The following NUP160 variants were observed in gnomAD, a reference collection of about 807,000 sequenced individuals.
The protein encoded by NUP160 is nuclear pore complex protein Nup160.
In NUP160, 94 loss-of-function variants were observed where a neutral mutation model predicts 196.9. The observed-to-expected ratio is 0.48, with a 90% CI of 0.40 to 0.57. The LOEUF (loss-of-function observed/expected upper bound fraction) is 0.57, where lower values mean the gene tolerates loss of function less well. NUP160 is among the 20% of genes least tolerant of loss of function. The pLI is 0.00. For missense variants in NUP160, 1,638 were observed against 1,748.3 expected (o/e 0.94, Z 1.13); for synonymous variants, 605 against 619.7 (o/e 0.98, Z 0.35).
At chr11:47,820,937 C>T (rs1476355212) in intron 9 of NUP160, among the ~76,000 whole-genome samples, 1 of 152,076 alleles carries the variant, frequency 6.6e-6, no homozygotes, top group African/African-American at 2.4e-5. Context: ...CCCACCTTAG[C>T]CTCACAAAGT....
chr11:47,788,346 T>C (rs1314213018), intron 30 of NUP160, 41 bp from the exon 31 acceptor site: 1 of 1,611,670 alleles, frequency 6.2e-7, no homozygotes, highest in Non-Finnish European at 8.5e-7. Context: ...AGCCAAGGTA[T>C]ACACAAATGA....
At chr11:47,798,559 C>T (rs2097672239) in intron 23 of NUP160, 96 bp from the exon 24 acceptor site, 4 of 710,766 alleles carry the variant, frequency 5.6e-6, no homozygotes, top group South Asian at 3.6e-5. Flanking sequence ...GTTAAGTAGG[C>T]CGGCATGGTG....
chr11:47,846,784 G>GT (rs1670881162), intron 2 of NUP160, among the ~76,000 whole-genome samples: 2 of 152,254 alleles, frequency 1.3e-5, no homozygotes, highest in Admixed American at 1.3e-4. Context: ...AGGGGTACAT[G>GT]TGCAGGTTTG....
At chr11:47,808,932 T>G (rs938490808) in intron 17 of NUP160, among the ~76,000 whole-genome samples, 1 of 151,974 alleles carries the variant, frequency 6.6e-6, no homozygotes, top group African/African-American at 2.4e-5. Context: ...AAACCCCGTC[T>G]GTAGTAAAAA....
intron 34 of NUP160, among the ~76,000 whole-genome samples, chr11:47,781,941 G>A (rs1285357892): frequency 1.3e-5 from 2 of 151,976 alleles, no homozygotes; most frequent in African/African-American, 4.8e-5. Flanking sequence ...CTAACATATA[G>A]TTCAATTTAC....
At chr11:47,787,977 C>T (rs553509782) in intron 31 of NUP160, among the ~76,000 whole-genome samples, 1 of 152,308 alleles carries the variant, frequency 6.6e-6, no homozygotes, top group East Asian at 1.9e-4. Context: ...CCGCCTCGGC[C>T]TCCCAAAGTG....
At chr11:47,786,503 G>A in exon 32 of NUP160, 1 of 1,614,014 alleles carries the variant, frequency 6.2e-7, no homozygotes, top group Non-Finnish European at 8.5e-7. Context: ...CTGCTAGCCA[G>A]GCCCAGGCTT....
chr11:47,815,069 A>G (rs547202566), intron 13 of NUP160: 288 of 152,642 alleles, frequency 1.9e-3, no homozygotes, highest in Middle Eastern at 0.013. Flanking sequence ...CACCTCTACT[A>G]AAAATACAAA....
At chr11:47,795,518 A>G (rs533224930) in intron 27 of NUP160, among the ~76,000 whole-genome samples, 2 of 152,344 alleles carry the variant, frequency 1.3e-5, no homozygotes, top group East Asian at 3.9e-4. Flanking sequence ...ACTTTTTTCC[A>G]ATGAAAATCA....
At chr11:47,817,389 T>G (rs1440694911) in intron 11 of NUP160, among the ~76,000 whole-genome samples, 1 of 151,558 alleles carries the variant, frequency 6.6e-6, no homozygotes, top group Non-Finnish European at 1.5e-5. Context: ...TGCCGCCAGT[T>G]TGGAGTGCAG....
chr11:47,821,777 G>A (rs1419095402), exon 9 of NUP160: 1 of 1,614,058 alleles, frequency 6.2e-7, no homozygotes. Flanking sequence ...CATGCCACAG[G>A]GCCCAGATAT....
chr11:47,801,229 G>C (rs1358802911), intron 23 of NUP160, among the ~76,000 whole-genome samples: 1 of 152,036 alleles, frequency 6.6e-6, no homozygotes, highest in Non-Finnish European at 1.5e-5. Context: ...AATGGCAACT[G>C]GGCTAATAAA....
At chr11:47,848,441 T>C in exon 1 of NUP160, 1 of 1,509,532 alleles carries the variant, frequency 6.6e-7, no homozygotes, top group Admixed American at 2.1e-5. Flanking sequence ...GAAAGGCGGC[T>C]CCGGCCCTTC....
chr11:47,847,658 G>GT (rs1852425969), intron 2 of NUP160, among the ~76,000 whole-genome samples, 190 bp downstream of exon 2: 1 of 103,504 alleles, frequency 9.7e-6, no homozygotes, highest in Non-Finnish European at 1.9e-5. Context: ...TGGGGGGGGG[G>GT]AGGGGGAGAG....
In NUP160 at chr11:47,803,546, A is replaced by G; in HGVS notation, c.2677-10T>C. The stretch of plus-strand genomic sequence containing the variant: ...GCAGTTGAATATAATCCTTAAAGGC[A>G]TAAAAGGTGCTTTCTGATTAGAAAA... On this transcript the variant is annotated splice_polypyrimidine_tract_variant and intron_variant, in intron 21 of 35. Transcript: ENST00000378460. The G allele has an allele frequency of 2.7e-6, 4 of 1,466,230 alleles. No individual in the cohort carries two copies. The highest frequency in any genetic ancestry group is 3.8e-6 in the Non-Finnish European group (4 of 1,045,932). 90.8% of individuals were successfully genotyped at this position (1,466,230 alleles called of 1,614,324 possible). A position where few individuals can be genotyped will look rare whatever the true frequency, so the allele number is the denominator to read the frequency against.
At chr11:47,833,685 T>C (rs915964404) in intron 7 of NUP160, among the ~76,000 whole-genome samples, 13 of 152,152 alleles carry the variant, frequency 8.5e-5, no homozygotes, top group Non-Finnish European at 1.3e-4. Context: ...ATAGCAGGCC[T>C]GAGGCTGCTC....
intron 32 of NUP160, among the ~76,000 whole-genome samples, chr11:47,786,215 C>A (rs866714751): frequency 5.2e-4 from 79 of 152,242 alleles, no homozygotes; most frequent in African/African-American, 1.8e-3. Context: ...TGATATGAAA[C>A]AGTAAGTCTT....
chr11:47,847,907 G>C, exon 2 of NUP160: 2 of 1,614,124 alleles, frequency 1.2e-6, no homozygotes, highest in South Asian at 2.2e-5. Flanking sequence ...CGTAGTAAAA[G>C]CCTCCCGCGC....
chr11:47,792,678 G>A, intron 28 of NUP160, 108 bp downstream of exon 28: 1 of 1,054,166 alleles, frequency 9.5e-7, no homozygotes, highest in Middle Eastern at 2.4e-4. Context: ...AGTAGAAATT[G>A]TAAATCAAAA....
Sources: gnomAD v4.1 joint callset for allele counts (sites outside exome capture counted in the v4.1 genomes callset) on GRCh38, gnomAD v4.1.1 for gene constraint, MANE v1.5 for transcripts, NCBI Gene and HGNC (gene_info 2026-07-23, HGNC 2026-07-21) for gene names.